Variants in GHR observed in about 807,000 individuals in gnomAD.
GHR encodes GH receptor.
GHR carries 35 observed loss-of-function variants against 67.1 expected under a neutral mutation model. That is an observed-to-expected ratio of 0.52 (90% CI 0.40 to 0.69). GHR has a LOEUF of 0.69. Ranked by LOEUF, GHR falls within the 30% of genes least tolerant of loss-of-function variation. The pLI, the probability that GHR is intolerant of heterozygous loss-of-function variation, is 0.00. For synonymous variants in GHR, 272 were observed against 269.1 expected, an observed-to-expected ratio of 1.01 and a Z score of -0.10; for missense variants, 792 against 764.6, an observed-to-expected ratio of 1.04 and a Z score of -0.42.
At chr5:42,463,992 C>CAAAAAAAAAAAAA (rs70991406) in intron 1 of GHR, among the ~76,000 whole-genome samples, 1 of 46,516 alleles carries the variant, frequency 2.1e-5, no homozygotes, top group African/African-American at 8.3e-5. Context: ...GACTCCGTCT[C>CAAAAAAAAAAAAA]AAAAAAAAAA....
chr5:42,520,783 C>T (rs1747438254), intron 1 of GHR, among the ~76,000 whole-genome samples: 1 of 152,124 alleles, frequency 6.6e-6, no homozygotes, highest in South Asian at 2.1e-4. Flanking sequence ...CTCCTAGTCC[C>T]TGTCCCCTTG....
At chr5:42,643,884 AG>A (rs1265924734) in intron 3 of GHR, among the ~76,000 whole-genome samples, 2 of 152,158 alleles carry the variant, frequency 1.3e-5, no homozygotes, top group African/African-American at 4.8e-5. Flanking sequence ...AGAGGTTACC[AG>A]GGCATCTCAC....
At chr5:42,703,691 A>G (rs973404170) in intron 6 of GHR, among the ~76,000 whole-genome samples, 2 of 151,954 alleles carry the variant, frequency 1.3e-5, no homozygotes, top group African/African-American at 4.8e-5. Context: ...AACATGGGCT[A>G]TCTGTTCATT....
At chr5:42,670,874 A>ATATATATATAT (rs1254302009) in intron 3 of GHR, among the ~76,000 whole-genome samples, 30 of 91,882 alleles carry the variant, frequency 3.3e-4, no homozygotes, top group African/African-American at 1.2e-3. Flanking sequence ...TTAAAAAAAA[A>ATATATATATAT]AAAAAAATAT....
At chr5:42,576,451 A>G (rs959392962) in intron 2 of GHR, among the ~76,000 whole-genome samples, 2 of 152,188 alleles carry the variant, frequency 1.3e-5, no homozygotes, top group African/African-American at 4.8e-5. Flanking sequence ...AATTCCTATA[A>G]TTGGAATTAC....
intron 1 of GHR, among the ~76,000 whole-genome samples, chr5:42,481,739 C>T (rs1386903174): frequency 6.6e-6 from 1 of 152,116 alleles, no homozygotes; most frequent in Admixed American, 6.5e-5. Context: ...TCCATCAGGT[C>T]CTTTAAGGAC....
At chr5:42,598,566 A>G (rs1431571241) in intron 2 of GHR, among the ~76,000 whole-genome samples, 1 of 152,162 alleles carries the variant, frequency 6.6e-6, no homozygotes, top group Admixed American at 6.5e-5. Flanking sequence ...TAGTCTTCAT[A>G]TTTATTCTGT....
At chr5:42,699,297 G>A (rs921039172) in intron 5 of GHR, among the ~76,000 whole-genome samples, 2 of 147,430 alleles carry the variant, frequency 1.4e-5, no homozygotes, top group African/African-American at 2.5e-5. Context: ...TACAGCTGAC[G>A]GAATCTGACG....
chr5:42,450,400 A>G (rs944379375), intron 1 of GHR, among the ~76,000 whole-genome samples: 2 of 152,014 alleles, frequency 1.3e-5, no homozygotes, highest in African/African-American at 2.4e-5. Context: ...TAGATTTTCT[A>G]GTTTGTGTGC....
intron 1 of GHR, among the ~76,000 whole-genome samples, chr5:42,444,010 T>TAGACATAG (rs1394067307): frequency 1.5e-5 from 2 of 137,456 alleles, no homozygotes; most frequent in Non-Finnish European, 3.3e-5. Context: ...CATAGATAGA[T>TAGACATAG]ATAGATATAG....
At chr5:42,694,818 C>A in intron 4 of GHR, 99 bp from the exon 5 acceptor site, 1 of 895,764 alleles carries the variant, frequency 1.1e-6, no homozygotes. Context: ...AAATATTTGT[C>A]TTCCAATTTA....
At chr5:42,717,580 C>G (rs532005541) in intron 8 of GHR, among the ~76,000 whole-genome samples, 2 of 152,220 alleles carry the variant, frequency 1.3e-5, no homozygotes, top group African/African-American at 4.8e-5. Flanking sequence ...TATGGCTAAC[C>G]TACCCAAGTC....
intron 3 of GHR, among the ~76,000 whole-genome samples, chr5:42,634,429 A>G (rs1754072820): frequency 6.6e-6 from 1 of 152,094 alleles, no homozygotes; most frequent in Non-Finnish European, 1.5e-5. Context: ...ATCTCTAAAG[A>G]TAGGGACAAT....
At chr5:42,657,306 T>C (rs1358850499) in intron 3 of GHR, among the ~76,000 whole-genome samples, 1 of 152,164 alleles carries the variant, frequency 6.6e-6, no homozygotes, top group East Asian at 1.9e-4. Flanking sequence ...TCCAGGTGAC[T>C]GTTAAGGTCT....
chr5:42,637,518 G>T (rs1754260011), intron 3 of GHR, among the ~76,000 whole-genome samples: 4 of 152,042 alleles, frequency 2.6e-5, no homozygotes, highest in Admixed American at 2.6e-4. Flanking sequence ...TGTTTATCCA[G>T]TGTTTAGCTC....
intron 1 of GHR, chr5:42,465,917 G>T (rs1744709358): frequency 1.4e-6 from 1 of 706,418 alleles, no homozygotes; most frequent in Non-Finnish European, 2.6e-6. Context: ...TCGTTCACAA[G>T]GTGGTCTCCT....
intron 1 of GHR, among the ~76,000 whole-genome samples, chr5:42,450,767 TA>T (rs1465180191): frequency 1.3e-5 from 2 of 152,204 alleles, no homozygotes; most frequent in African/African-American, 4.8e-5. Context: ...TTTAGGCATT[TA>T]AAACTATGAA....
intron 1 of GHR, among the ~76,000 whole-genome samples, chr5:42,499,057 T>G (rs969912102): frequency 3.3e-5 from 5 of 152,220 alleles, no homozygotes; most frequent in Non-Finnish European, 7.3e-5. Context: ...CTTTCTGGCT[T>G]CCATAGCAAA....
chr5:42,573,765 C>A (rs1165919442), intron 2 of GHR, among the ~76,000 whole-genome samples: 1 of 152,126 alleles, frequency 6.6e-6, no homozygotes, highest in African/African-American at 2.4e-5. Context: ...CCAATGAGAG[C>A]ACATGAAACT....
Sources: gnomAD v4.1 joint callset for allele counts (sites outside exome capture counted in the v4.1 genomes callset) on GRCh38, gnomAD v4.1.1 for gene constraint, MANE v1.5 for transcripts, NCBI Gene and HGNC (gene_info 2026-07-23, HGNC 2026-07-21) for gene names.